The following DARS1 variants were observed in gnomAD, a reference collection of about 807,000 sequenced individuals.
DARS1 encodes aspartyl-tRNA synthetase 1.
Under a neutral mutation model 68.8 loss-of-function variants are expected in DARS1, and 51 were observed. That is an observed-to-expected ratio of 0.74 (90% CI 0.59 to 0.94). The LOEUF (loss-of-function observed/expected upper bound fraction) is 0.94. Ranked by LOEUF, DARS1 falls within the 40% of genes least tolerant of loss-of-function variation. The pLI is 0.00. For missense variants in DARS1, 607 were observed against 597.3 expected, an observed-to-expected ratio of 1.02 and a Z score of -0.17; for synonymous variants, 203 against 190.4, an observed-to-expected ratio of 1.07 and a Z score of -0.55.
intron 4 of DARS1, among the ~76,000 whole-genome samples, chr2:135,952,173 G>A (rs1681852163): frequency 2.0e-5 from 3 of 152,220 alleles, no homozygotes; most frequent in African/African-American, 7.2e-5. Context: ...GAACCTGGGA[G>A]GCAGAGGTTG....
At chr2:135,948,522 A>G (rs567966445) in intron 4 of DARS1, among the ~76,000 whole-genome samples, 1 of 152,332 alleles carries the variant, frequency 6.6e-6, no homozygotes, top group African/African-American at 2.4e-5. Flanking sequence ...AAGTTTGTAA[A>G]AATCAATGAG....
chr2:135,914,554 A>G (rs767582594), intron 11 of DARS1, 43 bp from the exon 12 acceptor site: 1 of 1,027,404 alleles, frequency 9.7e-7, no homozygotes, highest in Non-Finnish European at 1.5e-6. Context: ...ATCAAATGGC[A>G]ACTTAAAAAC....
intron 3 of DARS1, among the ~76,000 whole-genome samples, chr2:135,972,870 T>C (rs1218139618): frequency 6.6e-6 from 1 of 152,186 alleles, no homozygotes; most frequent in East Asian, 1.9e-4. Context: ...AAAACTACAA[T>C]GAGGTATCAT....
chr2:135,983,477 C>G (rs201786687), intron 1 of DARS1, 23 bp from the exon 2 acceptor site: 1 of 886,866 alleles, frequency 1.1e-6, no homozygotes. Context: ...TTTTTTGCAT[C>G]GTGACTTTTT....
chr2:135,934,094 TA>T (rs1681414367), intron 5 of DARS1, 104 bp from the exon 6 acceptor site: 1 of 1,455,514 alleles, frequency 6.9e-7, no homozygotes, highest in African/African-American at 1.4e-5. Flanking sequence ...AATGTTTGCA[TA>T]CATCTTTAAT....
intron 10 of DARS1, among the ~76,000 whole-genome samples, 170 bp downstream of exon 10, chr2:135,920,283 T>C (rs151104279): frequency 1.3e-3 from 197 of 152,320 alleles, no homozygotes; most frequent in African/African-American, 4.4e-3. Context: ...CCAGAAGCAG[T>C]ATTCTGAGTG....
At chr2:135,928,277 A>G (rs966348992) in intron 7 of DARS1, among the ~76,000 whole-genome samples, 1 of 152,240 alleles carries the variant, frequency 6.6e-6, no homozygotes, top group Admixed American at 6.5e-5. Flanking sequence ...ACTACTGTGA[A>G]GCTGGACTAG....
chr2:135,985,510 G>A lies in DARS1; in HGVS notation c.-42C>T, dbSNP rs11548872. 17 of 1,613,704 alleles carry A rather than the reference G, an allele frequency of 1.1e-5. No homozygotes were observed. The Admixed American group carries it at 1.3e-4, about 13-fold the overall frequency. On this transcript the variant is annotated 5_prime_UTR_variant, in exon 1 of 16. Transcript: ENST00000264161. Reference sequence around the variant, plus strand: ...GCAGTGGACACCACCCTCCCTCGCAGGCTTCCGTAAGGCAGGCCAAAGGGG... The same window carrying A: ...GCAGTGGACACCACCCTCCCTCGCAAGCTTCCGTAAGGCAGGCCAAAGGGG...
chr2:135,984,412 T>G (rs1682720162), intron 1 of DARS1, among the ~76,000 whole-genome samples: 1 of 152,218 alleles, frequency 6.6e-6, no homozygotes, highest in Non-Finnish European at 1.5e-5. Flanking sequence ...AATCCTCTCC[T>G]TTAGAGCAGG....
rs1029663965 is a variant in DARS1, at chr2:135,933,883, A to G, written c.504+27T>C. 7.5e-6 allele frequency: 12 copies of G among 1,605,226 alleles called. No homozygotes were observed. The African/African-American group carries it at 1.6e-4, about 21-fold the overall frequency. ...TGCAAACTAAATATACAGCGGAAGC[A>G]TAATATTTCATAAGTATAATTTTTA... On this transcript the variant is annotated intron_variant, in intron 6 of 15. Transcript: ENST00000264161.
intron 2 of DARS1, among the ~76,000 whole-genome samples, chr2:135,982,697 TC>T (rs1682664957): frequency 6.6e-6 from 1 of 152,064 alleles, no homozygotes; most frequent in Admixed American, 6.6e-5. Flanking sequence ...TTCATTTCAT[TC>T]CCAGACACTA....
chr2:135,913,883 A>C (rs1360490180), intron 12 of DARS1, among the ~76,000 whole-genome samples: 2 of 152,234 alleles, frequency 1.3e-5, no homozygotes, highest in African/African-American at 4.8e-5. Context: ...TTAAAGGTAT[A>C]AACTGAATAT....
intron 15 of DARS1, among the ~76,000 whole-genome samples, chr2:135,908,470 A>G (rs887682869): frequency 2.2e-4 from 34 of 152,160 alleles, no homozygotes; most frequent in African/African-American, 8.2e-4. Flanking sequence ...CTGGTTCTCA[A>G]TCTGTGAGGA....
At chr2:135,953,308 G>A (rs1681889595) in intron 4 of DARS1, among the ~76,000 whole-genome samples, 1 of 152,234 alleles carries the variant, frequency 6.6e-6, no homozygotes, top group Non-Finnish European at 1.5e-5. Flanking sequence ...TTAAGGAACA[G>A]TATTAGTTAT....
chr2:135,973,413 C>T (rs1682426472), intron 3 of DARS1, among the ~76,000 whole-genome samples: 1 of 151,012 alleles, frequency 6.6e-6, no homozygotes, highest in African/African-American at 2.4e-5. Context: ...AGATAGTTAA[C>T]AGAGGCTGGG....
chr2:135,972,906 T>A (rs1204773262), intron 3 of DARS1, among the ~76,000 whole-genome samples: 1 of 152,118 alleles, frequency 6.6e-6, no homozygotes, highest in East Asian at 1.9e-4. Flanking sequence ...AAGGCTTATA[T>A]CAAAAAGTCA....
At chr2:135,956,244 C>A (rs1450437834) in intron 4 of DARS1, among the ~76,000 whole-genome samples, 1 of 152,066 alleles carries the variant, frequency 6.6e-6, no homozygotes, top group East Asian at 1.9e-4. Context: ...GAAAAGAGAT[C>A]TGAGTATAGA....
Position 135,962,426 on chromosome 2 carries a change from C to T in DARS1, c.218-928G>A, listed in dbSNP as rs148211894. ...CATCAGATTGTTTTGTAAAACATCA[C>T]AAGATTTTGTTTTTTAAACTGAGCA... On this transcript the variant is annotated intron_variant, in intron 3 of 15. Transcript: ENST00000264161. Among the ~76,000 whole-genome samples the T allele has an allele frequency of 1.0e-3, 153 of 152,176 alleles. 1 individual carries two copies. In the East Asian group the frequency reaches 0.024, roughly 24 times the overall value.
intron 3 of DARS1, among the ~76,000 whole-genome samples, chr2:135,964,457 C>T (rs1247109389): frequency 2.6e-5 from 4 of 151,920 alleles, no homozygotes; most frequent in South Asian, 4.2e-4. Flanking sequence ...AAGTAGAACC[C>T]GGGAAGTTTT....
Sources: gnomAD v4.1 joint callset for allele counts (sites outside exome capture counted in the v4.1 genomes callset) on GRCh38, gnomAD v4.1.1 for gene constraint, MANE v1.5 for transcripts, NCBI Gene and HGNC (gene_info 2026-07-23, HGNC 2026-07-21) for gene names.